FLVCR2: variants seen among roughly 807,000 people sequenced by gnomAD.
The protein encoded by FLVCR2 is FLVCR choline and putative heme transporter 2, also known as choline/ethanolamine transporter FLVCR2.
FLVCR2 carries 38 observed loss-of-function variants against 48.9 expected under a neutral mutation model. The observed-to-expected ratio is 0.78, with a 90% CI of 0.60 to 1.02. The LOEUF is 1.02. FLVCR2 is among the 50% of genes least tolerant of loss of function. The pLI is 0.00. For synonymous variants in FLVCR2, 255 were observed against 257.0 expected, an observed-to-expected ratio of 0.99 and a Z score of 0.07; for missense variants, 664 against 663.3, an observed-to-expected ratio of 1.00 and a Z score of -0.01.
chr14:75,625,144 T>G (rs1889866500), intron 3 of FLVCR2, among the ~76,000 whole-genome samples: 1 of 152,210 alleles, frequency 6.6e-6, no homozygotes, highest in Admixed American at 6.5e-5. Context: ...GGATTTATGT[T>G]TTTCATCTTT....
At chr14:75,582,122 C>A (rs1037120863) in intron 1 of FLVCR2, among the ~76,000 whole-genome samples, 3 of 152,178 alleles carry the variant, frequency 2.0e-5, no homozygotes, top group Admixed American at 2.0e-4. Context: ...TCAGCATAAG[C>A]ATTGCCCTGA....
chr14:75,621,941 G>T (rs1480218047), intron 1 of FLVCR2, 138 bp from the exon 2 acceptor site: 2 of 933,716 alleles, frequency 2.1e-6, no homozygotes, highest in Non-Finnish European at 3.5e-6. Flanking sequence ...GTGTTTTGAG[G>T]TGAGAAATAA....
intron 1 of FLVCR2, among the ~76,000 whole-genome samples, chr14:75,581,971 A>G (rs1457119333): frequency 6.6e-6 from 1 of 152,232 alleles, no homozygotes; most frequent in African/African-American, 2.4e-5. Flanking sequence ...TCCTTGGTCC[A>G]AGAACCGTTT....
chr14:75,597,900 A>G (rs937508148), intron 1 of FLVCR2, among the ~76,000 whole-genome samples: 4 of 151,982 alleles, frequency 2.6e-5, no homozygotes, highest in African/African-American at 9.7e-5. Context: ...GGCCTCCCAA[A>G]TAAGGCTCGT....
intron 1 of FLVCR2, among the ~76,000 whole-genome samples, chr14:75,608,853 GC>G (rs1218319624): frequency 6.6e-6 from 1 of 152,080 alleles, no homozygotes; most frequent in Non-Finnish European, 1.5e-5. Flanking sequence ...TTATTAGTGT[GC>G]CCCCATCCTG....
chr14:75,640,841 G>A (rs1026022047), intron 6 of FLVCR2, 114 bp from the exon 7 acceptor site: 4 of 771,886 alleles, frequency 5.2e-6, no homozygotes. Flanking sequence ...GGCCTAGTAT[G>A]TCTTGGTGGG....
intron 1 of FLVCR2, chr14:75,604,216 C>T (rs995762703): frequency 2.0e-5 from 3 of 152,236 alleles, no homozygotes; most frequent in Non-Finnish European, 4.4e-5. Context: ...CTTGTTTGAT[C>T]TCGGAAGCTA....
chr14:75,641,914 C>T lies in FLVCR2; in HGVS notation c.1509+16C>T, dbSNP rs760498348. On this transcript the variant is annotated intron_variant, in intron 9 of 9. Transcript: ENST00000238667. ...TCTTGAGAACGTGAGTATATGGGAG[C>T]TTTGTGGGGCTGAGATCGGGGTCCA... 1.2e-6 allele frequency: 2 copies of T among 1,612,280 alleles called. No homozygotes were observed. The highest frequency in any genetic ancestry group is 4.5e-5 in the East Asian group (2 of 44,894).
At chr14:75,595,239 A>G (rs1888989560) in intron 1 of FLVCR2, among the ~76,000 whole-genome samples, 2 of 152,212 alleles carry the variant, frequency 1.3e-5, no homozygotes. Flanking sequence ...AAACTCATGT[A>G]TATTTTATAC....
intron 8 of FLVCR2, among the ~76,000 whole-genome samples, chr14:75,641,600 T>C (rs1234215253): frequency 6.6e-6 from 1 of 152,154 alleles, no homozygotes; most frequent in Non-Finnish European, 1.5e-5. Context: ...ATTAGAGCAA[T>C]GTGTGCAAAG....
chr14:75,599,482 C>A (rs1214934125), intron 1 of FLVCR2, among the ~76,000 whole-genome samples: 3 of 152,120 alleles, frequency 2.0e-5, no homozygotes, highest in Non-Finnish European at 2.9e-5. Flanking sequence ...GGAAAGACAT[C>A]CTGTGTTTAC....
At chr14:75,616,847 C>T (rs1262428842) in intron 1 of FLVCR2, among the ~76,000 whole-genome samples, 1 of 152,218 alleles carries the variant, frequency 6.6e-6, no homozygotes, top group Non-Finnish European at 1.5e-5. Flanking sequence ...CAGCAAAAGG[C>T]TCAGATGGGG....
intron 1 of FLVCR2, among the ~76,000 whole-genome samples, chr14:75,598,640 T>G (rs369739226): frequency 6.6e-6 from 1 of 152,118 alleles, no homozygotes; most frequent in East Asian, 1.9e-4. Flanking sequence ...CATGCCTGGC[T>G]AGTTATTTTA....
intron 1 of FLVCR2, among the ~76,000 whole-genome samples, chr14:75,615,694 G>A (rs994751739): frequency 6.6e-6 from 1 of 151,994 alleles, no homozygotes; most frequent in African/African-American, 2.4e-5. Context: ...GAATGTTGAA[G>A]CAGAAAGGAG....
chr14:75,626,611 A>G (rs981095833), intron 3 of FLVCR2, among the ~76,000 whole-genome samples: 1 of 151,868 alleles, frequency 6.6e-6, no homozygotes, highest in Non-Finnish European at 1.5e-5. Context: ...CAAAGTTTCC[A>G]ATGCTTAGAG....
Position 75,639,434 on chromosome 14 carries a change from G to A in FLVCR2, c.1207G>A (p.Val403Ile). ...TACCTTGAACCTGGGACACCTGTGG[G>A]TAGTGTTCATCACTGCTGGCACAAT... ...TFTLNLGHLW[V>I]VFITAGTMGF... The change falls in exon 6 of 10, where the codon GTA becomes ATA. Residue 403 changes from valine to isoleucine, a missense_variant. Transcript: ENST00000238667. 6.2e-7 allele frequency: 1 copy of A among 1,613,544 alleles called. No individual in the cohort carries two copies.
intron 9 of FLVCR2, among the ~76,000 whole-genome samples, chr14:75,642,144 C>T (rs183177500): frequency 5.3e-4 from 80 of 152,334 alleles, no homozygotes; most frequent in Admixed American, 2.0e-4. Context: ...CTGGAGCCCC[C>T]GGCCTCATCC....
At chr14:75,627,273 T>C (rs1269635782) in intron 3 of FLVCR2, among the ~76,000 whole-genome samples, 1 of 152,110 alleles carries the variant, frequency 6.6e-6, no homozygotes, top group Non-Finnish European at 1.5e-5. Context: ...ACTTCTTGAA[T>C]GGTGGAGTAA....
At chr14:75,643,017 A>G (rs895762693) in intron 9 of FLVCR2, among the ~76,000 whole-genome samples, 4 of 152,146 alleles carry the variant, frequency 2.6e-5, no homozygotes, top group African/African-American at 9.7e-5. Flanking sequence ...GCACGCCACT[A>G]TGCCTAGCTA....
Sources: gnomAD v4.1 joint callset for allele counts (sites outside exome capture counted in the v4.1 genomes callset) on GRCh38, gnomAD v4.1.1 for gene constraint, MANE v1.5 for transcripts, NCBI Gene and HGNC (gene_info 2026-07-23, HGNC 2026-07-21) for gene names.